MGAT4C: variants seen among roughly 807,000 people sequenced by gnomAD.
MGAT4C encodes the protein alpha-1,3-mannosyl-glycoprotein 4-beta-N-acetylglucosaminyltransferase C.
A neutral mutation model predicts 40.1 loss-of-function variants in MGAT4C; 19 were observed. The observed-to-expected ratio is 0.47, with a 90% CI of 0.33 to 0.70. The LOEUF (loss-of-function observed/expected upper bound fraction) is 0.70, where lower values mean the gene tolerates loss of function less well. Among genes scored for constraint, MGAT4C ranks in the 30% least tolerant of loss-of-function variants. MGAT4C has a pLI of 0.02. For missense variants in MGAT4C, 491 were observed against 563.2 expected, an observed-to-expected ratio of 0.87 and a Z score of 1.30; for synonymous variants, 181 against 187.1, an observed-to-expected ratio of 0.97 and a Z score of 0.27.
At chr12:86,438,085 A>G (rs1369474127) in intron 2 of MGAT4C, among the ~76,000 whole-genome samples, 3 of 151,992 alleles carry the variant, frequency 2.0e-5, no homozygotes, top group South Asian at 4.1e-4. Context: ...GCTAAAAGCT[A>G]GGCTTCTTAT....
intron 2 of MGAT4C, among the ~76,000 whole-genome samples, chr12:86,701,178 C>T (rs1950356480): frequency 2.0e-5 from 3 of 151,842 alleles, no homozygotes; most frequent in African/African-American, 7.3e-5. Flanking sequence ...AAACCCAAGG[C>T]TTTGTATTAC....
At chr12:86,265,535 A>G (rs183022660) in intron 4 of MGAT4C, among the ~76,000 whole-genome samples, 8 of 152,178 alleles carry the variant, frequency 5.3e-5, no homozygotes, top group Non-Finnish European at 8.8e-5. Context: ...CCTGTTTTTT[A>G]TACCAGTACC....
At chr12:86,586,173 TC>T (rs1361301990) in intron 2 of MGAT4C, among the ~76,000 whole-genome samples, 2 of 140,400 alleles carry the variant, frequency 1.4e-5, no homozygotes, top group Non-Finnish European at 3.1e-5. Context: ...ATTGTTTAAT[TC>T]CCACCTATGA....
intron 2 of MGAT4C, among the ~76,000 whole-genome samples, chr12:86,688,092 C>G (rs1950105491): frequency 6.8e-6 from 1 of 146,620 alleles, no homozygotes; most frequent in Non-Finnish European, 1.5e-5. Flanking sequence ...ATGTAATGCT[C>G]TTGTCTTTTT....
intron 1 of MGAT4C, among the ~76,000 whole-genome samples, chr12:86,783,939 C>T (rs1951888901): frequency 6.6e-6 from 1 of 152,088 alleles, no homozygotes; most frequent in Non-Finnish European, 1.5e-5. Context: ...GAAAAATTCA[C>T]ATGCCCTAAA....
intron 2 of MGAT4C, among the ~76,000 whole-genome samples, chr12:86,725,452 T>TTTTTGTTTTG (rs112463246): frequency 2.1e-4 from 32 of 150,248 alleles, no homozygotes; most frequent in Admixed American, 2.1e-3. Flanking sequence ...CCCCCTGACA[T>TTTTTGTTTTG]TTTTGTTTTG....
intron 3 of MGAT4C, among the ~76,000 whole-genome samples, chr12:86,361,488 G>T (rs1053658462): frequency 6.6e-6 from 1 of 152,128 alleles, no homozygotes; most frequent in Non-Finnish European, 1.5e-5. Context: ...TGACAAATGG[G>T]ATCTAATTAA....
intron 2 of MGAT4C, among the ~76,000 whole-genome samples, chr12:86,034,924 G>A (rs894363815): frequency 5.3e-5 from 8 of 149,820 alleles, no homozygotes; most frequent in African/African-American, 1.9e-4. Flanking sequence ...CTTTTTTATG[G>A]CTGCATAGTA....
chr12:86,438,710 A>C (rs1456640135), intron 2 of MGAT4C, among the ~76,000 whole-genome samples: 1 of 151,836 alleles, frequency 6.6e-6, no homozygotes, highest in Non-Finnish European at 1.5e-5. Context: ...CAAACCAAAT[A>C]ATGCTGTCTT....
At chr12:86,449,382 G>A (rs918745043) in intron 2 of MGAT4C, among the ~76,000 whole-genome samples, 3 of 152,078 alleles carry the variant, frequency 2.0e-5, no homozygotes, top group African/African-American at 7.2e-5. Flanking sequence ...GCTCCTCTAT[G>A]ATTTCAGATT....
intron 2 of MGAT4C, among the ~76,000 whole-genome samples, chr12:86,652,298 G>A (rs1437430199): frequency 6.6e-6 from 1 of 151,752 alleles, no homozygotes; most frequent in African/African-American, 2.4e-5. Context: ...TTACACTTTG[G>A]ACACCTAAAG....
intron 2 of MGAT4C, among the ~76,000 whole-genome samples, chr12:86,675,375 G>A (rs1338308523): frequency 6.6e-6 from 1 of 152,178 alleles, no homozygotes; most frequent in Non-Finnish European, 1.5e-5. Flanking sequence ...TTCACATCCT[G>A]TGGTGATGCA....
At chr12:86,550,926 G>T (rs377082337) in intron 2 of MGAT4C, among the ~76,000 whole-genome samples, 2 of 152,188 alleles carry the variant, frequency 1.3e-5, no homozygotes, top group African/African-American at 4.8e-5. Context: ...TTTCTCTGCC[G>T]GGCCCAATGT....
At chr12:86,271,369 T>C (rs7953491) in intron 4 of MGAT4C, among the ~76,000 whole-genome samples, 10,769 of 152,168 alleles carry the variant, frequency 0.071, 924 homozygotes, top group East Asian at 0.25. Flanking sequence ...AGGACATGAA[T>C]AGATATTTTT....
intron 2 of MGAT4C, among the ~76,000 whole-genome samples, chr12:86,564,044 T>C (rs1384713127): frequency 1.3e-5 from 2 of 152,180 alleles, no homozygotes; most frequent in African/African-American, 4.8e-5. Context: ...GTATCATATC[T>C]GTGGAGAGAT....
intron 1 of MGAT4C, among the ~76,000 whole-genome samples, chr12:86,119,312 G>A (rs898662312): frequency 2.6e-5 from 4 of 151,962 alleles, no homozygotes; most frequent in Non-Finnish European, 4.4e-5. Context: ...TAAGATTATA[G>A]GTATATTTTA....
intron 1 of MGAT4C, among the ~76,000 whole-genome samples, chr12:86,793,935 G>C (rs1162008720): frequency 1.3e-5 from 2 of 151,762 alleles, no homozygotes; most frequent in East Asian, 3.9e-4. Flanking sequence ...TAAAAAATGT[G>C]AACAAATAAA....
At chr12:86,188,434 C>T (rs1374698203) in intron 1 of MGAT4C, among the ~76,000 whole-genome samples, 1 of 151,724 alleles carries the variant, frequency 6.6e-6, no homozygotes, top group Non-Finnish European at 1.5e-5. Context: ...AACTGACAAA[C>T]AGGAGGGACA....
At chr12:86,679,661 G>A (rs1307673621) in intron 2 of MGAT4C, among the ~76,000 whole-genome samples, 1 of 152,062 alleles carries the variant, frequency 6.6e-6, no homozygotes, top group African/African-American at 2.4e-5. Flanking sequence ...TTATAAAAGA[G>A]ATCTCAGAGA....
Sources: allele counts gnomAD v4.1 joint callset (sites outside exome capture counted in the v4.1 genomes callset), GRCh38; gene constraint gnomAD v4.1.1; transcripts MANE v1.5; gene names NCBI Gene and HGNC (gene_info 2026-07-23, HGNC 2026-07-21).